Variants in MAP3K5 observed in about 807,000 individuals in gnomAD.
MAP3K5 encodes ASK-1.
MAP3K5 carries 56 observed loss-of-function variants against 158.7 expected under a neutral mutation model. That is an observed-to-expected ratio of 0.35 (90% confidence interval 0.28 to 0.44). The LOEUF (loss-of-function observed/expected upper bound fraction) is 0.44, where lower values mean the gene tolerates loss of function less well. MAP3K5 is among the 20% of genes least tolerant of loss of function. The pLI, the probability that MAP3K5 is intolerant of heterozygous loss-of-function variation, is 1.00. For synonymous variants in MAP3K5, 579 were observed against 601.7 expected, an observed-to-expected ratio of 0.96 and a Z score of 0.55; for missense variants, 1,294 against 1,674.8, an observed-to-expected ratio of 0.77 and a Z score of 3.97.
chr6:136,586,958 T>G (rs1775167320), intron 23 of MAP3K5, among the ~76,000 whole-genome samples: 1 of 152,224 alleles, frequency 6.6e-6, no homozygotes, highest in Admixed American at 6.5e-5. Flanking sequence ...CTCCTCAGCC[T>G]GCAGACAGCC....
chr6:136,588,248 T>C (rs1457947931), intron 23 of MAP3K5, among the ~76,000 whole-genome samples: 1 of 152,110 alleles, frequency 6.6e-6, no homozygotes, highest in South Asian at 2.1e-4. Flanking sequence ...GGCAGAGCAA[T>C]GTGGTGGTTA....
At chr6:136,710,411 C>T (rs907278949) in intron 2 of MAP3K5, among the ~76,000 whole-genome samples, 3 of 152,046 alleles carry the variant, frequency 2.0e-5, no homozygotes, top group Admixed American at 6.6e-5. Flanking sequence ...AGTGTAGCCC[C>T]GGCTATACCA....
intron 23 of MAP3K5, among the ~76,000 whole-genome samples, chr6:136,591,591 T>A (rs941789054): frequency 1.3e-5 from 2 of 152,260 alleles, no homozygotes; most frequent in Non-Finnish European, 2.9e-5. Context: ...CTTGTTTATG[T>A]CAATTAGTCT....
chr6:136,665,149 T>C (rs1779172847), intron 8 of MAP3K5, among the ~76,000 whole-genome samples: 2 of 152,212 alleles, frequency 1.3e-5, no homozygotes, highest in Non-Finnish European at 1.5e-5. Flanking sequence ...AGGGGTAAAA[T>C]GTAAATTTTT....
rs528227688 is a variant in MAP3K5 at position 136,755,536 on chromosome 6, G to A, written c.449-34947C>T. 2.9e-4 allele frequency among the ~76,000 whole-genome samples: 44 copies of A among 151,904 alleles called. 2 individuals are homozygous for A. The South Asian group carries it at 8.5e-3, about 30-fold the overall frequency. ...AGCCTGGGCAACATAGTGAGACTCC[G>A]ACTCTTCAAAAAATATAATAAAATG... is the stretch of plus-strand genomic sequence containing the variant. On this transcript the variant is annotated intron_variant, in intron 1 of 29. Transcript: ENST00000359015.
At chr6:136,585,473 C>CTTTCTTTCTTTCTTTA (rs562356592) in intron 23 of MAP3K5, among the ~76,000 whole-genome samples, 80 of 135,146 alleles carry the variant, frequency 5.9e-4, no homozygotes, top group African/African-American at 2.1e-3. Flanking sequence ...CTTTTCTTTT[C>CTTTCTTTCTTTCTTTA]TTTATTTATT....
chr6:136,747,191 T>C (rs1783000685), intron 1 of MAP3K5, among the ~76,000 whole-genome samples: 1 of 152,196 alleles, frequency 6.6e-6, no homozygotes, highest in Non-Finnish European at 1.5e-5. Context: ...CAGGCATGAG[T>C]TGCCATGTCT....
intron 25 of MAP3K5, among the ~76,000 whole-genome samples, chr6:136,568,510 A>G (rs1774219578): frequency 6.6e-6 from 1 of 152,150 alleles, no homozygotes; most frequent in Non-Finnish European, 1.5e-5. Flanking sequence ...AATTTAAACC[A>G]TAGAAGTTAC....
chr6:136,656,866 C>T (rs7773810), intron 9 of MAP3K5, among the ~76,000 whole-genome samples: 3,718 of 152,282 alleles, frequency 0.024, 155 homozygotes, highest in African/African-American at 0.085. Flanking sequence ...AAGTGATCCA[C>T]CTGCCTCGGC....
intron 11 of MAP3K5, among the ~76,000 whole-genome samples, chr6:136,649,472 A>T (rs921774992): frequency 2.6e-5 from 4 of 152,230 alleles, no homozygotes; most frequent in Non-Finnish European, 4.4e-5. Context: ...GCACATCAGA[A>T]TCATGGATAA....
chr6:136,597,292 T>A (rs551333267), intron 21 of MAP3K5, among the ~76,000 whole-genome samples: 49 of 152,286 alleles, frequency 3.2e-4, no homozygotes, highest in African/African-American at 7.5e-4. Flanking sequence ...GGAGCTCCCA[T>A]CTATGGAAGG....
At chr6:136,638,568 T>C (rs931713361) in intron 13 of MAP3K5, among the ~76,000 whole-genome samples, 1 of 152,206 alleles carries the variant, frequency 6.6e-6, no homozygotes, top group Non-Finnish European at 1.5e-5. Flanking sequence ...ATTTTAGCTA[T>C]AATTATCATA....
chr6:136,681,822 G>C (rs1451066555), intron 7 of MAP3K5, among the ~76,000 whole-genome samples: 6 of 152,154 alleles, frequency 3.9e-5, no homozygotes, highest in Non-Finnish European at 1.5e-5. Context: ...GGGAGGCTGA[G>C]GCAGGAGAAT....
At chr6:136,601,692 A>G (rs1583252907) in intron 20 of MAP3K5, 110 bp downstream of exon 20, 5 of 936,482 alleles carry the variant, frequency 5.3e-6, no homozygotes, top group African/African-American at 1.7e-5. Flanking sequence ...ATTTATACCA[A>G]TTTCCAGTGA....
At chr6:136,584,180 T>C (rs1775011606) in intron 23 of MAP3K5, among the ~76,000 whole-genome samples, 1 of 152,160 alleles carries the variant, frequency 6.6e-6, no homozygotes, top group Non-Finnish European at 1.5e-5. Context: ...AAATTTTAAT[T>C]GGGAACTAAA....
At chr6:136,711,531 C>T (rs185771473) in intron 2 of MAP3K5, among the ~76,000 whole-genome samples, 50 of 150,478 alleles carry the variant, frequency 3.3e-4, no homozygotes, top group Non-Finnish European at 5.9e-4. Context: ...CCAGGTGTAG[C>T]AGCATGTGCC....
intron 21 of MAP3K5, among the ~76,000 whole-genome samples, chr6:136,594,040 T>G (rs1173563914): frequency 6.6e-6 from 1 of 152,190 alleles, no homozygotes; most frequent in Non-Finnish European, 1.5e-5. Context: ...GATGAATTGG[T>G]TGACTTATCT....
chr6:136,614,074 C>T lies in MAP3K5; in HGVS notation c.2278+85G>A. The T allele has an allele frequency of 8.9e-6, 13 of 1,465,470 alleles. No homozygotes were observed. The South Asian group carries it at 1.0e-4, about 12-fold the overall frequency. 90.8% of individuals were successfully genotyped at this position (1,465,470 alleles called of 1,614,324 possible). On this transcript the variant is annotated intron_variant, in intron 16 of 29. Transcript: ENST00000359015. ...TCTTTCAGTTTAGACAGATTAAGAC[C>T]TGTACGCTAGTAAATCCCATTCAAT...
chr6:136,629,345 T>C (rs1460975670), intron 14 of MAP3K5: 1 of 152,202 alleles, frequency 6.6e-6, no homozygotes, highest in Non-Finnish European at 1.5e-5. Flanking sequence ...CTTCTTTATA[T>C]GTAAATGCCA....
Sources: gnomAD v4.1 joint callset for allele counts (sites outside exome capture counted in the v4.1 genomes callset) on GRCh38, gnomAD v4.1.1 for gene constraint, MANE v1.5 for transcripts, NCBI Gene and HGNC (gene_info 2026-07-23, HGNC 2026-07-21) for gene names.